Variants in SLC24A3 observed in about 807,000 individuals in gnomAD.
The protein encoded by SLC24A3 is solute carrier family 24 member 3, also known as sodium/potassium/calcium exchanger 3.
Under a neutral mutation model 75.8 loss-of-function variants are expected in SLC24A3, and 28 were observed. The observed-to-expected ratio is 0.37, with a 90% CI of 0.27 to 0.51. The LOEUF (loss-of-function observed/expected upper bound fraction) is 0.51, where lower values mean the gene tolerates loss of function less well. Among genes scored for constraint, SLC24A3 ranks in the 20% least tolerant of loss-of-function variants. The pLI is 0.94. For synonymous variants in SLC24A3, 372 were observed against 334.1 expected (o/e 1.11, Z -1.24); for missense variants, 663 against 847.8 (o/e 0.78, Z 2.71).
intron 6 of SLC24A3, among the ~76,000 whole-genome samples, chr20:19,632,371 G>T (rs903484243): frequency 6.6e-6 from 1 of 152,164 alleles, no homozygotes; most frequent in Non-Finnish European, 1.5e-5. Flanking sequence ...CTTTTGGAGA[G>T]AATCCATTTC....
chr20:19,720,309 G>T (rs1243350754), intron 16 of SLC24A3, among the ~76,000 whole-genome samples: 3 of 152,214 alleles, frequency 2.0e-5, no homozygotes, highest in Non-Finnish European at 4.4e-5. Flanking sequence ...GTGTTGGAAA[G>T]ACCCTCTCCC....
chr20:19,595,617 C>T (rs1229694227), intron 6 of SLC24A3, among the ~76,000 whole-genome samples: 1 of 152,162 alleles, frequency 6.6e-6, no homozygotes, highest in African/African-American at 2.4e-5. Context: ...TGTGGACTTC[C>T]ATTCACTGCT....
chr20:19,486,084 A>G (rs903616635), intron 2 of SLC24A3, among the ~76,000 whole-genome samples: 4 of 152,100 alleles, frequency 2.6e-5, no homozygotes, highest in African/African-American at 9.7e-5. Context: ...GCTCCATCTC[A>G]TGGCCCTGGC....
intron 1 of SLC24A3, among the ~76,000 whole-genome samples, chr20:19,249,534 C>T (rs777616596): frequency 7.9e-5 from 12 of 152,240 alleles, no homozygotes; most frequent in Non-Finnish European, 8.8e-5. Context: ...ATTCCATTCA[C>T]ATTTCATTTC....
intron 9 of SLC24A3, among the ~76,000 whole-genome samples, chr20:19,679,009 A>G (rs2032574067): frequency 6.8e-6 from 1 of 147,738 alleles, no homozygotes; most frequent in Admixed American, 6.7e-5. Context: ...GACGCTCCTC[A>G]CTTTCCAGAC....
intron 2 of SLC24A3, among the ~76,000 whole-genome samples, chr20:19,459,994 A>G (rs1987642264): frequency 6.6e-6 from 1 of 152,204 alleles, no homozygotes; most frequent in African/African-American, 2.4e-5. Context: ...ATTTCTAACA[A>G]GCTCCTAGGG....
chr20:19,439,463 A>G (rs1375497742), intron 2 of SLC24A3, among the ~76,000 whole-genome samples: 1 of 152,186 alleles, frequency 6.6e-6, no homozygotes, highest in Non-Finnish European at 1.5e-5. Flanking sequence ...CCACAGATAG[A>G]TTTGGCTGTT....
At chr20:19,257,021 T>C (rs1982836012) in intron 1 of SLC24A3, among the ~76,000 whole-genome samples, 1 of 152,166 alleles carries the variant, frequency 6.6e-6, no homozygotes, top group Admixed American at 6.5e-5. Flanking sequence ...TCTAAGGACC[T>C]TCCTAGTTCC....
chr20:19,423,342 AGCAGGGTGAGT>A (rs1398111973), intron 2 of SLC24A3, among the ~76,000 whole-genome samples: 5 of 152,202 alleles, frequency 3.3e-5, no homozygotes, highest in African/African-American at 1.2e-4. Context: ...GAATCCTAGC[AGCAGGGTGAGT>A]GCAAAGTGAT....
chr20:19,215,561 G>C lies in SLC24A3; in HGVS notation c.142+2577G>C, dbSNP rs548330666. Among the ~76,000 whole-genome samples the C allele has an allele frequency of 4.6e-5, 7 of 152,026 alleles. No homozygotes were observed. In the South Asian group the frequency reaches 1.5e-3, roughly 32 times the overall value. On this transcript the variant is annotated intron_variant, in intron 1 of 16. Transcript: ENST00000328041. ...AGAAGCTCGTTTTCTAACACATATT[G>C]ACCTTTCCCTCCCTCCTTCCTTCTG...
chr20:19,386,569 T>C (rs1184557413), intron 2 of SLC24A3, among the ~76,000 whole-genome samples: 1 of 152,170 alleles, frequency 6.6e-6, no homozygotes, highest in Non-Finnish European at 1.5e-5. Flanking sequence ...GTGATCTTTG[T>C]TATGTTGAGG....
intron 2 of SLC24A3, among the ~76,000 whole-genome samples, chr20:19,453,305 A>G: frequency 6.6e-6 from 1 of 152,140 alleles, no homozygotes; most frequent in Non-Finnish European, 1.5e-5. Context: ...AACTATGATC[A>G]TGATCATGCC....
chr20:19,360,617 A>G (rs1358725035), intron 2 of SLC24A3, among the ~76,000 whole-genome samples: 2 of 152,246 alleles, frequency 1.3e-5, no homozygotes, highest in Admixed American at 6.5e-5. Flanking sequence ...GTATCTTAAC[A>G]TGTGGATATT....
intron 2 of SLC24A3, among the ~76,000 whole-genome samples, chr20:19,283,491 G>A (rs1253901628): frequency 1.3e-5 from 2 of 152,184 alleles, no homozygotes; most frequent in Non-Finnish European, 2.9e-5. Context: ...GACAGCACAG[G>A]TCCCAAAACA....
At chr20:19,542,098 G>A (rs2030508726) in intron 3 of SLC24A3, among the ~76,000 whole-genome samples, 1 of 152,210 alleles carries the variant, frequency 6.6e-6, no homozygotes, top group Non-Finnish European at 1.5e-5. Flanking sequence ...TGAAAGGGGA[G>A]AGATAGCAGG....
intron 2 of SLC24A3, among the ~76,000 whole-genome samples, chr20:19,363,759 T>A (rs1179783243): frequency 6.6e-6 from 1 of 152,230 alleles, no homozygotes; most frequent in African/African-American, 2.4e-5. Context: ...TATTGGATGT[T>A]TTAAAAAAGC....
In SLC24A3 at chr20:19,629,418, C is replaced by T. The variant is rs570786255; in HGVS notation, c.613-24644C>T. Among the ~76,000 whole-genome samples, 8 of 152,138 alleles carry T rather than the reference C, an allele frequency of 5.3e-5. No homozygotes were observed. In the South Asian group the frequency reaches 1.7e-3, roughly 32 times the overall value. On this transcript the variant is annotated intron_variant, in intron 6 of 16. Transcript: ENST00000328041. ...GAGCTATTAAGAGACATATAGGATA[C>T]GATCAAGTGGACCAATGTACACATC... is the stretch of plus-strand genomic sequence containing the variant.
intron 1 of SLC24A3, among the ~76,000 whole-genome samples, chr20:19,218,849 TGAAA>T (rs1258800314): frequency 1.3e-5 from 2 of 152,144 alleles, no homozygotes; most frequent in Non-Finnish European, 1.5e-5. Context: ...TTTCCTTGAG[TGAAA>T]GAACTTTTTG....
chr20:19,621,576 G>A (rs1351134075), intron 6 of SLC24A3, among the ~76,000 whole-genome samples: 3 of 152,130 alleles, frequency 2.0e-5, no homozygotes, highest in Non-Finnish European at 2.9e-5. Flanking sequence ...TATGTCCCTG[G>A]TATCTTTTTA....
Sources: allele counts gnomAD v4.1 joint callset (sites outside exome capture counted in the v4.1 genomes callset), GRCh38; gene constraint gnomAD v4.1.1; transcripts MANE v1.5; gene names NCBI Gene and HGNC (gene_info 2026-07-23, HGNC 2026-07-21).